The following NSF variants were observed in gnomAD, a reference collection of about 807,000 sequenced individuals.
The protein encoded by NSF is N-ethylmaleimide sensitive factor, vesicle fusing ATPase.
A neutral mutation model predicts 50.3 loss-of-function variants in NSF; 14 were observed. The ratio of observed to expected loss-of-function variants is 0.28; its 90% confidence interval spans 0.18 to 0.44. The LOEUF (loss-of-function observed/expected upper bound fraction) is 0.44, where lower values mean the gene tolerates loss of function less well. Among genes scored for constraint, NSF ranks in the 20% least tolerant of loss-of-function variants. The probability of loss-of-function intolerance (pLI) is 1.00; values close to 1 mark genes in which losing one functional copy is unlikely to be tolerated. For missense variants in NSF, 218 were observed against 504.3 expected (o/e 0.43, Z 5.44); for synonymous variants, 109 against 175.7 (o/e 0.62, Z 3.00).
At chr17:46,739,460 G>T (rs2059046166) in intron 17 of NSF, among the ~76,000 whole-genome samples, 1 of 148,566 alleles carries the variant, frequency 6.7e-6, no homozygotes, top group Non-Finnish European at 1.5e-5. Flanking sequence ...AATCACCTGA[G>T]CCCAGGAGGT....
rs57817773 is a variant in NSF at position 46,756,440 on chromosome 17, T to G, written c.*617T>G. On this transcript the variant is annotated 3_prime_UTR_variant, in exon 21 of 21. Coordinates refer to ENST00000398238, the MANE Select transcript of NSF (RefSeq NM_006178.4). ...CAAGTTGCAGTCAGAAGATCTTTCT[T>G]AATAGAAAGTCAGATGACTACCGTG... The G allele has an allele frequency of 6.6e-6, 1 of 152,378 alleles. No individual in the cohort carries two copies. The highest frequency in any genetic ancestry group is 2.4e-5 in the African/African-American group (1 of 41,586). 9.4% of individuals were successfully genotyped at this position (152,378 alleles called of 1,614,324 possible). A position where few individuals can be genotyped will look rare whatever the true frequency, so the allele number is the denominator to read the frequency against.
intron 17 of NSF, among the ~76,000 whole-genome samples, chr17:46,732,494 T>C (rs1452050471): frequency 6.6e-6 from 1 of 152,142 alleles, no homozygotes; most frequent in African/African-American, 2.4e-5. Context: ...ACTAGGATAA[T>C]TTTCTTTGAA....
chr17:46,723,202 C>G, intron 15 of NSF, among the ~76,000 whole-genome samples: 1 of 152,206 alleles, frequency 6.6e-6, no homozygotes, highest in East Asian at 1.9e-4. Context: ...AAACATAGAA[C>G]TACTGCAACC....
At chr17:46,735,593 C>T (rs533736181) in intron 17 of NSF, among the ~76,000 whole-genome samples, 5 of 152,118 alleles carry the variant, frequency 3.3e-5, no homozygotes, top group Middle Eastern at 3.4e-3. Context: ...CATGTGTTAC[C>T]TACTCTGTTG....
chr17:46,708,150 G>T (rs2058675245), intron 13 of NSF, among the ~76,000 whole-genome samples: 1 of 152,046 alleles, frequency 6.6e-6, no homozygotes, highest in Non-Finnish European at 1.5e-5. Flanking sequence ...GCTGTCATTA[G>T]CATGGCTGTA....
intron 17 of NSF, among the ~76,000 whole-genome samples, chr17:46,749,189 C>CTGAG (rs1460559118): frequency 6.6e-6 from 1 of 152,038 alleles, no homozygotes; most frequent in Non-Finnish European, 1.5e-5. Flanking sequence ...AGAAAGGGAA[C>CTGAG]TGAGAATGGT....
intron 17 of NSF, among the ~76,000 whole-genome samples, chr17:46,736,146 T>A (rs1474364351): frequency 6.6e-6 from 1 of 152,180 alleles, no homozygotes; most frequent in African/African-American, 2.4e-5. Flanking sequence ...TCTCATTCAC[T>A]GAAATTTAGA....
At chr17:46,738,035 T>C (rs1327600823) in intron 17 of NSF, among the ~76,000 whole-genome samples, 2 of 151,856 alleles carry the variant, frequency 1.3e-5, no homozygotes, top group Non-Finnish European at 2.9e-5. Flanking sequence ...CTGGGCTCAA[T>C]TGATCCTCCC....
At chr17:46,732,887 A>G (rs2058964055) in intron 17 of NSF, among the ~76,000 whole-genome samples, 1 of 152,230 alleles carries the variant, frequency 6.6e-6, no homozygotes, top group South Asian at 2.1e-4. Context: ...GCAGCAGCTA[A>G]GAAAGCTCCC....
At chr17:46,733,531 G>A (rs2058971103) in intron 17 of NSF, among the ~76,000 whole-genome samples, 1 of 152,146 alleles carries the variant, frequency 6.6e-6, no homozygotes, top group African/African-American at 2.4e-5. Flanking sequence ...ATGTAACAGG[G>A]TAGCCTCGTA....
chr17:46,728,535 A>G (rs1167606603), intron 16 of NSF, among the ~76,000 whole-genome samples: 1 of 152,190 alleles, frequency 6.6e-6, no homozygotes, highest in East Asian at 1.9e-4. Flanking sequence ...AGGCTTAGGC[A>G]GGAGGGTTGC....
chr17:46,723,488 A>G (rs1179985948), intron 15 of NSF, among the ~76,000 whole-genome samples: 1 of 152,232 alleles, frequency 6.6e-6, no homozygotes, highest in Non-Finnish European at 1.5e-5. Context: ...AGCCAAAAGG[A>G]ACCATCATTG....
Position 46,610,041 on chromosome 17 carries a change from C to CTCTTTCTT in NSF, c.13-14184_13-14177dup, listed in dbSNP as rs1555666759. On this transcript the variant is annotated intron_variant, in intron 1 of 20. Coordinates refer to ENST00000398238, the MANE Select transcript of NSF (RefSeq NM_006178.4). ...TCTTTCTTTCTTTCTCTCTCTCTCT[C>CTCTTTCTT]TCTTTCTTTCTTTCTTTCTTTCTTT... is the stretch of plus-strand genomic sequence containing the variant. 1.7e-3 allele frequency among the ~76,000 whole-genome samples: 202 copies of CTCTTTCTT among 118,728 alleles called. 14 individuals are homozygous for CTCTTTCTT. The highest frequency in any genetic ancestry group is 9.7e-3 in the Middle Eastern group (2 of 206). 77.9% of individuals were successfully genotyped at this position (118,728 alleles called of 152,430 possible).
At chr17:46,735,843 G>A (rs1041777740) in intron 17 of NSF, among the ~76,000 whole-genome samples, 3 of 152,190 alleles carry the variant, frequency 2.0e-5, no homozygotes, top group African/African-American at 7.2e-5. Flanking sequence ...GACTCGGGAA[G>A]CTGAGGCAGG....
intron 17 of NSF, among the ~76,000 whole-genome samples, chr17:46,742,498 G>C (rs1370585685): frequency 6.6e-6 from 1 of 152,206 alleles, no homozygotes; most frequent in Admixed American, 6.5e-5. Context: ...GAACTAGCAA[G>C]AAATACAGTA....
chr17:46,722,277 A>G, intron 15 of NSF: 2 of 901,894 alleles, frequency 2.2e-6, no homozygotes, highest in East Asian at 5.1e-5. Flanking sequence ...GGAGTCTGTA[A>G]GATACGGTTC....
chr17:46,728,797 T>C lies in NSF; in HGVS notation c.1829-58T>C, dbSNP rs1373673301. 5 of 1,138,038 alleles carry C rather than the reference T, an allele frequency of 4.4e-6. No individual in the cohort carries two copies. The African/African-American group carries it at 6.3e-5, about 14-fold the overall frequency. 70.5% of individuals were successfully genotyped at this position (1,138,038 alleles called of 1,614,324 possible). On this transcript the variant is annotated intron_variant, in intron 16 of 20. Coordinates refer to ENST00000398238, the MANE Select transcript of NSF (RefSeq NM_006178.4). Reference sequence around the variant, plus strand: ...GCAAAAAAAAAAAACAAAAACTGAATGTTTGGAATATGTACATGTGTATCA... The same window carrying C: ...GCAAAAAAAAAAAACAAAAACTGAACGTTTGGAATATGTACATGTGTATCA...
At chr17:46,622,251 A>G (rs1208352232) in intron 1 of NSF, among the ~76,000 whole-genome samples, 1 of 143,772 alleles carries the variant, frequency 7.0e-6, no homozygotes, top group Non-Finnish European at 1.5e-5. Flanking sequence ...AGGTCAGGAG[A>G]TCGAGACCAG....
intron 17 of NSF, among the ~76,000 whole-genome samples, chr17:46,737,360 GA>G (rs2059015980): frequency 1.3e-5 from 2 of 152,124 alleles, no homozygotes; most frequent in Non-Finnish European, 2.9e-5. Flanking sequence ...TTAAATTTCA[GA>G]AAAACATCAC....
Sources: gnomAD v4.1 joint callset for allele counts (sites outside exome capture counted in the v4.1 genomes callset) on GRCh38, gnomAD v4.1.1 for gene constraint, MANE v1.5 for transcripts, NCBI Gene and HGNC (gene_info 2026-07-23, HGNC 2026-07-21) for gene names.